Variants in COL23A1 observed in about 807,000 individuals in gnomAD.
The protein encoded by COL23A1 is collagen alpha-1(XXIII) chain.
In COL23A1, 97 loss-of-function variants were observed where a neutral mutation model predicts 99.3. The ratio of observed to expected loss-of-function variants is 0.98; its 90% CI spans 0.83 to 1.16. The LOEUF is 1.16. COL23A1 is among the 50% of genes most tolerant of loss of function. COL23A1 has a pLI of 0.00. For synonymous variants in COL23A1, 320 were observed against 308.2 expected (o/e 1.04, Z -0.40); for missense variants, 762 against 757.4 (o/e 1.01, Z -0.07).
intron 2 of COL23A1, among the ~76,000 whole-genome samples, chr5:178,328,718 G>C (rs1430490240): frequency 6.6e-6 from 1 of 152,214 alleles, no homozygotes; most frequent in East Asian, 1.9e-4. Flanking sequence ...AGATGACAAT[G>C]TACTGTTTGG....
In COL23A1 at chr5:178,451,656, C is replaced by CAAAAA. The variant is rs5873614; in HGVS notation, c.361+109021_361+109025dup. ...TGGGCGACAGAGCGAAACTCCATCT[C>CAAAAA]AAAAAAAAAAAAAAAAAAAATTAAC... is the stretch of plus-strand genomic sequence containing the variant. On this transcript the variant is annotated intron_variant, in intron 2 of 28. Transcript: ENST00000390654. Among the ~76,000 whole-genome samples the CAAAAA allele has an allele frequency of 1.2e-4, 13 of 105,534 alleles. 1 individual carries two copies. The highest frequency in any genetic ancestry group is 5.1e-4 in the African/African-American group (13 of 25,482). The allele number at this position is 105,534 out of a possible 152,430, so 69.2% of individuals were successfully genotyped here.
rs1390230339 is a variant in COL23A1, at chr5:178,590,288, A to G, written c.-91T>C. 7.2e-6 allele frequency: 8 copies of G among 1,110,282 alleles called. No individual in the cohort carries two copies. The highest frequency in any genetic ancestry group is 1.1e-6 in the Non-Finnish European group (1 of 898,244). 68.8% of individuals were successfully genotyped at this position (1,110,282 alleles called of 1,614,324 possible). A position where few individuals can be genotyped will look rare whatever the true frequency, so the allele number is the denominator to read the frequency against. On this transcript the variant is annotated 5_prime_UTR_variant, in exon 1 of 29. Transcript: ENST00000390654. This position sits in a 1 kb window ranked among gnomAD's most constrained non-coding sequence, Gnocchi z 5.7. The stretch of plus-strand genomic sequence containing the variant: ...AGGAGCAGGCGGGACAGCCCGAGGC[A>G]CGAGGTCCGCCGGGCGCGGGGGTTA...
chr5:178,358,181 GTA>G (rs1479676322), intron 2 of COL23A1, among the ~76,000 whole-genome samples: 16 of 149,240 alleles, frequency 1.1e-4, no homozygotes, highest in African/African-American at 3.7e-4. Flanking sequence ...GTATGTGTAT[GTA>G]TGTGTATGTG....
chr5:178,268,427 C>T (rs1298702840), intron 7 of COL23A1, among the ~76,000 whole-genome samples: 1 of 152,228 alleles, frequency 6.6e-6, no homozygotes, highest in Non-Finnish European at 1.5e-5. Flanking sequence ...CCTGGCACCC[C>T]CCTTCACCAT....
rs1180282127 is a variant in COL23A1, at chr5:178,250,072, C to T, written c.1048G>A (p.Asp350Asn). 6.8e-6 allele frequency: 11 copies of T among 1,614,036 alleles called. No individual in the cohort carries two copies. Among genetic ancestry groups the T allele is most frequent in the South Asian group, 2.2e-5 (2 of 91,082 alleles). Residue 350 changes from aspartate (D) to asparagine (N), a missense_variant, in exon 18 of 29, where the codon GAT (aspartate) becomes AAT (asparagine). By Grantham distance (23) the Asp-to-Asn change is conservative. Coordinates refer to ENST00000390654, the MANE Select transcript of COL23A1 (RefSeq NM_173465.4). The stretch of plus-strand genomic sequence containing the variant: ...AAAGGCCCAGAGACCTTCTCTCCAT[C>T]GATTCCTGGGGCACCGGGCAATCCA... ...ELGLPGAPGI[D>N]GEKGPKGQKG...
intron 20 of COL23A1, 91 bp from the exon 21 acceptor site, chr5:178,247,922 T>C: frequency 8.6e-7 from 1 of 1,159,942 alleles, no homozygotes; most frequent in Non-Finnish European, 1.2e-6. Context: ...GGATCGAGAG[T>C]CTCCTTCCTG....
chr5:178,567,225 G>A (rs1762881501), intron 1 of COL23A1, among the ~76,000 whole-genome samples: 1 of 152,214 alleles, frequency 6.6e-6, no homozygotes, highest in Non-Finnish European at 1.5e-5. Flanking sequence ...TCTACAAACA[G>A]TCATACCCTA....
At chr5:178,275,425 C>T (rs138800246) in intron 5 of COL23A1, among the ~76,000 whole-genome samples, 247 of 152,250 alleles carry the variant, frequency 1.6e-3, no homozygotes, top group African/African-American at 5.7e-3. Flanking sequence ...CGGCCTGTCG[C>T]GTATTTCCTA....
At chr5:178,464,480 A>C (rs934194764) in intron 2 of COL23A1, among the ~76,000 whole-genome samples, 4 of 152,160 alleles carry the variant, frequency 2.6e-5, no homozygotes, top group Non-Finnish European at 4.4e-5. Flanking sequence ...GAGTGGTTTC[A>C]ATGTGCACGT....
chr5:178,338,758 C>T (rs1760495467), intron 2 of COL23A1, among the ~76,000 whole-genome samples: 1 of 152,198 alleles, frequency 6.6e-6, no homozygotes. Context: ...CAGAGACCAG[C>T]TGAGGATATG....
intron 3 of COL23A1, among the ~76,000 whole-genome samples, chr5:178,300,265 A>T (rs997684935): frequency 2.7e-5 from 4 of 145,736 alleles, no homozygotes; most frequent in African/African-American, 7.7e-5. Context: ...TTCAGTAGAG[A>T]CCATCTTGGC....
In COL23A1 at chr5:178,548,987, C is replaced by T. The variant is rs530482424; in HGVS notation, c.361+11695G>A. Among the ~76,000 whole-genome samples the T allele has an allele frequency of 7.8e-4, 119 of 152,204 alleles. 2 individuals are homozygous for T. In the South Asian group the frequency reaches 0.025, roughly 32 times the overall value. On this transcript the variant is annotated intron_variant, in intron 2 of 28. Transcript: ENST00000390654. ...CACAGGAAATGACTAGACCTGCAAG[C>T]ATCCATACAAATACTTCTTTTTTTT...
chr5:178,301,690 A>G (rs889859851), intron 3 of COL23A1, among the ~76,000 whole-genome samples: 41 of 152,170 alleles, frequency 2.7e-4, no homozygotes, highest in Non-Finnish European at 4.4e-5. Context: ...CTGCTTGTTT[A>G]GCTTAGTGGT....
intron 2 of COL23A1, among the ~76,000 whole-genome samples, chr5:178,536,152 G>A (rs992214015): frequency 9.9e-5 from 15 of 152,256 alleles, no homozygotes; most frequent in African/African-American, 3.4e-4. Context: ...CTCCTTTGAG[G>A]AACAATTCAC....
intron 3 of COL23A1, among the ~76,000 whole-genome samples, chr5:178,300,836 T>C (rs537242913): frequency 2.6e-5 from 4 of 152,334 alleles, no homozygotes; most frequent in Non-Finnish European, 5.9e-5. Flanking sequence ...AGTGCTGGGA[T>C]TACAGGCGTG....
chr5:178,499,095 TATAA>T (rs1221569575), intron 2 of COL23A1, among the ~76,000 whole-genome samples: 1 of 151,824 alleles, frequency 6.6e-6, no homozygotes, highest in Non-Finnish European at 1.5e-5. Flanking sequence ...ATCTCAAAAA[TATAA>T]ATAAATAAAA....
intron 2 of COL23A1, among the ~76,000 whole-genome samples, chr5:178,435,070 C>T (rs940631725): frequency 4.6e-5 from 7 of 152,216 alleles, no homozygotes; most frequent in Non-Finnish European, 7.3e-5. Flanking sequence ...ATAATCTTTT[C>T]GTCTATTCCT....
intron 2 of COL23A1, among the ~76,000 whole-genome samples, chr5:178,504,075 T>C (rs1212796703): frequency 6.6e-6 from 1 of 152,218 alleles, no homozygotes; most frequent in Non-Finnish European, 1.5e-5. Context: ...CATTCCTGGC[T>C]GTACCAGGTG....
At chr5:178,321,014 CAG>C (rs1759272406) in intron 2 of COL23A1, among the ~76,000 whole-genome samples, 1 of 152,224 alleles carries the variant, frequency 6.6e-6, no homozygotes, top group African/African-American at 2.4e-5. Context: ...GTGTTTTGGG[CAG>C]CAGGATTTTA....
Sources: allele counts gnomAD v4.1 joint callset (sites outside exome capture counted in the v4.1 genomes callset), GRCh38; gene constraint gnomAD v4.1.1; non-coding constraint Gnocchi (gnomAD v3.1); transcripts MANE v1.5; gene names NCBI Gene and HGNC (gene_info 2026-07-23, HGNC 2026-07-21).